RSRC1: variants seen among roughly 807,000 people sequenced by gnomAD.
The protein encoded by RSRC1 is arginine and serine rich coiled-coil 1.
RSRC1 carries 39 observed loss-of-function variants against 49.1 expected under a neutral mutation model. The ratio of observed to expected loss-of-function variants is 0.79; its 90% CI spans 0.61 to 1.04. The LOEUF (loss-of-function observed/expected upper bound fraction) is 1.04, where lower values mean the gene tolerates loss of function less well. Among genes scored for constraint, RSRC1 ranks in the 50% least tolerant of loss-of-function variants. The pLI is 0.00. For missense variants in RSRC1, 388 were observed against 402.4 expected (o/e 0.96, Z 0.31); for synonymous variants, 143 against 130.8 (o/e 1.09, Z -0.63).
chr3:158,437,481 C>T (rs538967457), intron 6 of RSRC1, among the ~76,000 whole-genome samples: 1 of 152,238 alleles, frequency 6.6e-6, no homozygotes, highest in African/African-American at 2.4e-5. Flanking sequence ...AAGTCAGCTT[C>T]ATCCCTGGGA....
At chr3:158,180,936 C>T (rs1379513854) in intron 3 of RSRC1, among the ~76,000 whole-genome samples, 1 of 151,298 alleles carries the variant, frequency 6.6e-6, no homozygotes, top group Non-Finnish European at 1.5e-5. Context: ...TCCCGAGTAG[C>T]TGGGATTTCA....
rs1559952008 is a variant in RSRC1, at chr3:158,228,935, T to TACGTGTATATGTGTGTATAAACACAC, written c.494+25692_494+25717dup. On this transcript the variant is annotated intron_variant, in intron 4 of 9. Coordinates refer to ENST00000611884, the MANE Select transcript of RSRC1 (RefSeq NM_001271838.2). ...GTGTATATGTGTGTATAAACACACA[T>TACGTGTATATGTGTGTATAAACACAC]ACGTGTATATGTGTGTATAAACACA... Among the ~76,000 whole-genome samples, 22 of 110,996 alleles carry TACGTGTATATGTGTGTATAAACACAC rather than the reference T, an allele frequency of 2.0e-4. 4 individuals carry two copies. Among genetic ancestry groups the TACGTGTATATGTGTGTATAAACACAC allele is most frequent in the South Asian group, 1.8e-3 (6 of 3,316 alleles). The allele number at this position is 110,996 out of a possible 152,430, so 72.8% of individuals were successfully genotyped here. A position where few individuals can be genotyped will look rare whatever the true frequency, so the allele number is the denominator to read the frequency against.
intron 6 of RSRC1, among the ~76,000 whole-genome samples, chr3:158,367,746 T>C (rs1005973890): frequency 6.6e-6 from 1 of 152,156 alleles, no homozygotes; most frequent in African/African-American, 2.4e-5. Context: ...TTAGTTGACT[T>C]GGACATTAGT....
chr3:158,365,160 A>T (rs1218311816), intron 6 of RSRC1, among the ~76,000 whole-genome samples: 4 of 152,126 alleles, frequency 2.6e-5, no homozygotes, highest in South Asian at 2.1e-4. Flanking sequence ...TCATTTTTTT[A>T]AAATTATACT....
At chr3:158,250,191 G>A (rs983391276) in intron 4 of RSRC1, among the ~76,000 whole-genome samples, 1 of 152,090 alleles carries the variant, frequency 6.6e-6, no homozygotes, top group African/African-American at 2.4e-5. Context: ...GTATATGTTA[G>A]CACGTTTTCT....
intron 6 of RSRC1, among the ~76,000 whole-genome samples, chr3:158,437,955 A>C (rs1023373801): frequency 6.6e-6 from 1 of 152,134 alleles, no homozygotes; most frequent in Non-Finnish European, 1.5e-5. Flanking sequence ...CAGCTGATAA[A>C]CAACTTCAGC....
chr3:158,347,911 G>T (rs1256738001), intron 5 of RSRC1, among the ~76,000 whole-genome samples: 1 of 152,082 alleles, frequency 6.6e-6, no homozygotes, highest in Non-Finnish European at 1.5e-5. Flanking sequence ...TGATTACGTA[G>T]TAGGTGTATA....
intron 3 of RSRC1, among the ~76,000 whole-genome samples, chr3:158,135,598 TG>T (rs1308146229): frequency 6.6e-6 from 1 of 151,994 alleles, no homozygotes; most frequent in African/African-American, 2.4e-5. Context: ...AAATTTTTAA[TG>T]TTTTTTTTTT....
intron 3 of RSRC1, among the ~76,000 whole-genome samples, chr3:158,198,556 C>G (rs147760269): frequency 1.6e-4 from 25 of 152,166 alleles, no homozygotes; most frequent in Admixed American, 2.0e-4. Flanking sequence ...TTATTTTGCT[C>G]GTTAGTTGAT....
At chr3:158,324,138 A>C (rs1389998900) in intron 5 of RSRC1, among the ~76,000 whole-genome samples, 2 of 152,086 alleles carry the variant, frequency 1.3e-5, no homozygotes, top group African/African-American at 4.8e-5. Flanking sequence ...AAATTCAATT[A>C]TTTCTCTATT....
intron 3 of RSRC1, among the ~76,000 whole-genome samples, chr3:158,188,422 C>CT (rs1208023757): frequency 1.3e-5 from 2 of 151,928 alleles, no homozygotes; most frequent in Non-Finnish European, 2.9e-5. Flanking sequence ...CTTGATCTAC[C>CT]TGAAGGTCTG....
chr3:158,544,123 AG>A, intron 9 of RSRC1, 59 bp from the exon 10 acceptor site: 2 of 1,151,996 alleles, frequency 1.7e-6, no homozygotes, highest in Non-Finnish European at 2.6e-6. Flanking sequence ...CTGTCATTTT[AG>A]GTCAAATTCA....
chr3:158,379,192 C>A (rs921119226), intron 6 of RSRC1, among the ~76,000 whole-genome samples: 4 of 93,898 alleles, frequency 4.3e-5, no homozygotes, highest in Non-Finnish European at 6.3e-5. Context: ...AGAAATACCA[C>A]TTTTTTTTTT....
intron 7 of RSRC1, among the ~76,000 whole-genome samples, chr3:158,474,866 A>G (rs541427899): frequency 6.6e-6 from 1 of 152,218 alleles, no homozygotes; most frequent in Non-Finnish European, 1.5e-5. Flanking sequence ...GCTCTATTCT[A>G]GTACCTTATG....
rs9860148 is a variant in RSRC1 at position 158,544,370 on chromosome 3, T to G, written c.*95T>G. 4,599 of 729,590 alleles carry G rather than the reference T, an allele frequency of 6.3e-3. 150 individuals carry two copies. In the African/African-American group the frequency reaches 0.075, roughly 12 times the overall value. The allele number at this position is 729,590 out of a possible 1,614,324, so 45.2% of individuals were successfully genotyped here. A position where few individuals can be genotyped will look rare whatever the true frequency, so the allele number is the denominator to read the frequency against. ...TTAACTTTTTACTCTTAAAAAGAATTTTGCTGATTATATATAAAGGTAGTC... is the reference window on the plus strand; with the variant it reads ...TTAACTTTTTACTCTTAAAAAGAATGTTGCTGATTATATATAAAGGTAGTC... On this transcript the variant is annotated 3_prime_UTR_variant, in exon 10 of 10. Coordinates refer to ENST00000611884, the MANE Select transcript of RSRC1 (RefSeq NM_001271838.2).
intron 3 of RSRC1, among the ~76,000 whole-genome samples, chr3:158,138,286 TG>T (rs1716529858): frequency 6.6e-6 from 1 of 152,234 alleles, no homozygotes; most frequent in African/African-American, 2.4e-5. Flanking sequence ...TCCTCTTCAC[TG>T]GTATAGATAA....
intron 4 of RSRC1, among the ~76,000 whole-genome samples, chr3:158,215,716 A>C (rs1380038897): frequency 5.3e-5 from 8 of 151,700 alleles, no homozygotes; most frequent in African/African-American, 1.9e-4. Flanking sequence ...TTCACAGTCT[A>C]CTTAGAATCT....
At chr3:158,169,778 C>G (rs1370843769) in intron 3 of RSRC1, among the ~76,000 whole-genome samples, 1 of 152,134 alleles carries the variant, frequency 6.6e-6, no homozygotes, top group East Asian at 1.9e-4. Context: ...GAGGGTACTT[C>G]TAACCCTCTC....
intron 4 of RSRC1, among the ~76,000 whole-genome samples, chr3:158,268,375 T>G (rs955213969): frequency 2.0e-5 from 3 of 152,184 alleles, no homozygotes; most frequent in African/African-American, 4.8e-5. Context: ...AGTCAAGGGT[T>G]TTGACTTAAT....
Sources: gnomAD v4.1 joint callset for allele counts (sites outside exome capture counted in the v4.1 genomes callset) on GRCh38, gnomAD v4.1.1 for gene constraint, MANE v1.5 for transcripts, NCBI Gene and HGNC (gene_info 2026-07-23, HGNC 2026-07-21) for gene names.